Variants in CATSPERE observed in about 807,000 individuals in gnomAD.
The protein encoded by CATSPERE is cation channel sperm-associated auxiliary subunit epsilon.
In CATSPERE, 93 loss-of-function variants were observed where a neutral mutation model predicts 114.1. The observed-to-expected ratio is 0.81, with a 90% CI of 0.69 to 0.97. The LOEUF (loss-of-function observed/expected upper bound fraction) is 0.97. Among genes scored for constraint, CATSPERE ranks in the 50% least tolerant of loss-of-function variants. CATSPERE has a pLI of 0.00. For synonymous variants in CATSPERE, 341 were observed against 384.1 expected, an observed-to-expected ratio of 0.89 and a Z score of 1.31; for missense variants, 1,058 against 1,131.6, an observed-to-expected ratio of 0.93 and a Z score of 0.93.
chr1:244,482,354 C>T (rs1213699889), intron 5 of CATSPERE, among the ~76,000 whole-genome samples: 3 of 151,880 alleles, frequency 2.0e-5, no homozygotes, highest in South Asian at 4.1e-4. Flanking sequence ...GTAGTCCCAA[C>T]GACTTAGGAG....
In CATSPERE at chr1:244,553,648, CATATAT is replaced by C. The variant is rs141132549; in HGVS notation, c.1029+840_1029+845del. Among the ~76,000 whole-genome samples the C allele has an allele frequency of 2.7e-3, 293 of 109,696 alleles. 11 individuals are homozygous for C. Among genetic ancestry groups the C allele is most frequent in the African/African-American group, 0.012 (263 of 21,680 alleles). 72.0% of individuals were successfully genotyped at this position (109,696 alleles called of 152,430 possible). ...ACACACACACACACACACACACATACATATATATATAGTTGCTAAGTGTAGATACCC... is the reference window on the plus strand; with the variant it reads ...ACACACACACACACACACACACATACATATAGTTGCTAAGTGTAGATACCC... On this transcript the variant is annotated intron_variant, in intron 9 of 21. Transcript: ENST00000366534.
At position 244,640,012 on chromosome 1, in the gene CATSPERE, C is replaced by T. The variant is rs1362507505; in HGVS notation, c.2787C>T (p.Tyr929=). The change falls in exon 22 of 22, where the codon TAC becomes TAT. Residue 929 remains tyrosine, a synonymous_variant. Transcript: ENST00000366534. ...TTCTTGTTTTGAGCTACTTTCGGTA[C>T]ATGAGGATTTATAGACGATATATTT... ...FTILVLSYFR[Y]MRIYRRYIYE... 5 of 1,550,570 alleles carry T rather than the reference C, an allele frequency of 3.2e-6. No homozygotes were observed. In the South Asian group the frequency reaches 3.6e-5, roughly 11 times the overall value.
chr1:244,619,664 A>G (rs1039744758), intron 20 of CATSPERE, among the ~76,000 whole-genome samples: 1 of 152,210 alleles, frequency 6.6e-6, no homozygotes, highest in African/African-American at 2.4e-5. Flanking sequence ...GGAAACTAAC[A>G]GGGGCCTCCT....
chr1:244,466,873 C>G (rs1454405970), intron 2 of CATSPERE, among the ~76,000 whole-genome samples: 2 of 152,178 alleles, frequency 1.3e-5, no homozygotes, highest in African/African-American at 4.8e-5. Context: ...CCAAAACCAC[C>G]TATCTTTGAA....
At chr1:244,637,983 A>G (rs1674846934) in intron 21 of CATSPERE, among the ~76,000 whole-genome samples, 1 of 152,220 alleles carries the variant, frequency 6.6e-6, no homozygotes, top group Non-Finnish European at 1.5e-5. Context: ...CTTTTTAAAT[A>G]TAATTCTTCC....
At chr1:244,616,797 G>A (rs1671453819) in intron 19 of CATSPERE, among the ~76,000 whole-genome samples, 1 of 152,210 alleles carries the variant, frequency 6.6e-6, no homozygotes, top group Admixed American at 6.5e-5. Flanking sequence ...TAACCTTGAA[G>A]GATGTTGATA....
chr1:244,638,864 T>A (rs1286054209), intron 21 of CATSPERE, among the ~76,000 whole-genome samples: 1 of 152,218 alleles, frequency 6.6e-6, no homozygotes, highest in Non-Finnish European at 1.5e-5. Context: ...TCTTCGGCCA[T>A]TAATTTTGTG....
chr1:244,527,356 G>A (rs184897717), intron 8 of CATSPERE, among the ~76,000 whole-genome samples: 46 of 152,266 alleles, frequency 3.0e-4, no homozygotes, highest in Admixed American at 2.7e-3. Flanking sequence ...AGAATTCAGC[G>A]ATATTTCTCC....
chr1:244,459,165 G>A (rs1438922221), upstream of CATSPERE, among the ~76,000 whole-genome samples: 4 of 148,100 alleles, frequency 2.7e-5, no homozygotes, highest in South Asian at 2.1e-4. Flanking sequence ...TGCAACCTCC[G>A]CCTCCCAGGT....
rs1418021281 is a variant in CATSPERE at position 244,573,282 on chromosome 1, G to A, written c.1950+510G>A. 7.9e-5 allele frequency among the ~76,000 whole-genome samples: 12 copies of A among 152,002 alleles called. No individual in the cohort carries two copies. The highest frequency in any genetic ancestry group is 4.6e-4 in the Admixed American group (7 of 15,258). ...AAAAATTAGCCAGGCGTCATGGCGG[G>A]TGCCTGTAGTCCCAGCTACTCGGGA... is the stretch of plus-strand genomic sequence containing the variant. On this transcript the variant is annotated intron_variant, in intron 11 of 21. Transcript: ENST00000366534. The surrounding 1 kb of genome is among the most constrained non-coding windows in gnomAD (Gnocchi z 4.0).
At chr1:244,515,246 G>C in intron 7 of CATSPERE, 2 of 747,798 alleles carry the variant, frequency 2.7e-6, no homozygotes, top group Non-Finnish European at 1.6e-6. Flanking sequence ...CCCACCTCAG[G>C]GACTTTGTAA....
At chr1:244,537,012 T>C (rs1474825174) in intron 8 of CATSPERE, among the ~76,000 whole-genome samples, 2 of 152,150 alleles carry the variant, frequency 1.3e-5, no homozygotes, top group Admixed American at 1.3e-4. Context: ...GTTTTATTTA[T>C]ACCATCCCAA....
intron 20 of CATSPERE, among the ~76,000 whole-genome samples, chr1:244,625,378 A>G (rs1302964512): frequency 1.1e-5 from 1 of 88,740 alleles, no homozygotes; most frequent in Non-Finnish European, 2.3e-5. Context: ...TTTATTTTTT[A>G]CTTTATTTTT....
Position 244,635,813 on chromosome 1 carries a change from T to C in CATSPERE, c.2702+271T>C, listed in dbSNP as rs189130704. On this transcript the variant is annotated intron_variant, in intron 21 of 21. Coordinates refer to ENST00000366534, the MANE Select transcript of CATSPERE (RefSeq NM_001130957.2). ...CTATATTTAGATTTTTGGGGGGCTA[T>C]GAAATCTATCTTCCCAAATGACAGA... Among the ~76,000 whole-genome samples the C allele has an allele frequency of 4.6e-3, 703 of 152,360 alleles. 3 individuals are homozygous for C. The highest frequency in any genetic ancestry group is 0.023 in the South Asian group (112 of 4,830).
chr1:244,589,917 A>T (rs2148639284), intron 14 of CATSPERE, among the ~76,000 whole-genome samples: 1 of 152,234 alleles, frequency 6.6e-6, no homozygotes, highest in Admixed American at 6.5e-5. Flanking sequence ...TGGAACCCTA[A>T]AAACTCTAAT....
At chr1:244,454,158 C>T (rs1340276634), upstream of CATSPERE, among the ~76,000 whole-genome samples, 1 of 152,028 alleles carries the variant, frequency 6.6e-6, no homozygotes, top group Non-Finnish European at 1.5e-5. Flanking sequence ...TGTCTGGTCA[C>T]ATTTGATGAG....
intron 17 of CATSPERE, among the ~76,000 whole-genome samples, chr1:244,602,628 G>C (rs978939269): frequency 1.3e-5 from 2 of 152,188 alleles, no homozygotes; most frequent in African/African-American, 2.4e-5. Context: ...GAGTCCCAGG[G>C]CTTGCCCCAC....
intron 19 of CATSPERE, among the ~76,000 whole-genome samples, chr1:244,612,104 G>C (rs757024348): frequency 1.1e-4 from 17 of 152,134 alleles, no homozygotes; most frequent in Non-Finnish European, 4.4e-5. Context: ...CAGGCCCTGC[G>C]TGTTCCATTC....
chr1:244,568,611 T>G lies in CATSPERE; in HGVS notation c.1508-3719T>G, dbSNP rs1663959482. Among the ~76,000 whole-genome samples, 1 of 152,140 alleles carries G rather than the reference T, an allele frequency of 6.6e-6. No homozygotes were observed. Among genetic ancestry groups the G allele is most frequent in the Non-Finnish European group, 1.5e-5 (1 of 68,014 alleles). ...CCGAGCTGTGGTGGGCTCCGCCCAG[T>G]TAGAACTTCCTGGCAGCTTTATTTC... is the stretch of plus-strand genomic sequence containing the variant. On this transcript the variant is annotated intron_variant, in intron 10 of 21. Transcript: ENST00000366534. The surrounding 1 kb of genome is among the most constrained non-coding windows in gnomAD (Gnocchi z 4.4).
Sources: gnomAD v4.1 joint callset for allele counts (sites outside exome capture counted in the v4.1 genomes callset) on GRCh38, gnomAD v4.1.1 for gene constraint, Gnocchi (gnomAD v3.1) non-coding constraint, MANE v1.5 for transcripts, NCBI Gene and HGNC (gene_info 2026-07-23, HGNC 2026-07-21) for gene names.